CFAP20DC: variants seen among roughly 807,000 people sequenced by gnomAD.
CFAP20DC encodes CFAP20 domain containing.
Under a neutral mutation model 101.7 loss-of-function variants are expected in CFAP20DC, and 84 were observed. The observed-to-expected ratio is 0.83, with a 90% confidence interval of 0.69 to 0.99. The LOEUF is 0.99. Among genes scored for constraint, CFAP20DC ranks in the 50% least tolerant of loss-of-function variants. CFAP20DC has a pLI of 0.00. For synonymous variants in CFAP20DC, 359 were observed against 351.2 expected, an observed-to-expected ratio of 1.02 and a Z score of -0.25; for missense variants, 1,007 against 970.3, an observed-to-expected ratio of 1.04 and a Z score of -0.50.
At position 59,040,258 on chromosome 3, in the gene CFAP20DC, T is replaced by C. The variant is rs17060053; in HGVS notation, c.206-629A>G. Among the ~76,000 whole-genome samples, 487 of 152,182 alleles carry C rather than the reference T, an allele frequency of 3.2e-3. 4 individuals are homozygous for C. The highest frequency in any genetic ancestry group is 0.011 in the African/African-American group (469 of 41,578). On this transcript the variant is annotated intron_variant, in intron 3 of 16. Coordinates refer to ENST00000482387, the MANE Select transcript of CFAP20DC (RefSeq NM_001394063.1). ...ACTGATAGCTTTTATTCCCTATTACTAGCTTCATCTGGATTAAAAATATTT... is the reference window on the plus strand; with the variant it reads ...ACTGATAGCTTTTATTCCCTATTACCAGCTTCATCTGGATTAAAAATATTT...
At chr3:58,827,457 T>G (rs534242739) in intron 14 of CFAP20DC, among the ~76,000 whole-genome samples, 1 of 151,568 alleles carries the variant, frequency 6.6e-6, no homozygotes, top group Non-Finnish European at 1.5e-5. Context: ...CAAAACTCAT[T>G]TCAAGTGCTA....
chr3:58,779,626 T>G (rs1380141934), intron 15 of CFAP20DC, among the ~76,000 whole-genome samples: 1 of 151,852 alleles, frequency 6.6e-6, no homozygotes, highest in Admixed American at 6.6e-5. Flanking sequence ...ATCTCAGAAC[T>G]GAAAGGTAGC....
chr3:58,935,237 A>T (rs1212763937), intron 5 of CFAP20DC, among the ~76,000 whole-genome samples: 2 of 149,042 alleles, frequency 1.3e-5, no homozygotes, highest in African/African-American at 5.2e-5. Context: ...GACCTCTTCA[A>T]GGAGAACTAC....
chr3:58,896,214 G>T (rs2106949498), intron 6 of CFAP20DC, among the ~76,000 whole-genome samples: 1 of 152,272 alleles, frequency 6.6e-6, no homozygotes, highest in Admixed American at 6.5e-5. Flanking sequence ...ATGGTTGTTT[G>T]CAATTTTGTG....
chr3:58,908,261 C>G (rs1056958002), intron 6 of CFAP20DC, among the ~76,000 whole-genome samples: 3 of 152,058 alleles, frequency 2.0e-5, no homozygotes, highest in African/African-American at 7.2e-5. Context: ...TAGCTTTATA[C>G]TAATATTTTT....
rs74595462 is a variant in CFAP20DC, at chr3:58,917,799, A to G, written c.394-3935T>C. Among the ~76,000 whole-genome samples the G allele has an allele frequency of 5.3e-3, 807 of 152,316 alleles. 8 individuals are homozygous for G. The highest frequency in any genetic ancestry group is 9.1e-3 in the Non-Finnish European group (618 of 68,020). ...CAATTACCTATTACTAATGTATTAA[A>G]AACAATTTCCCTAGGAAAAGCAAAT... is the stretch of plus-strand genomic sequence containing the variant. On this transcript the variant is annotated intron_variant, in intron 5 of 16. Coordinates refer to ENST00000482387, the MANE Select transcript of CFAP20DC (RefSeq NM_001394063.1).
At chr3:58,719,948 T>C (rs974502829) in intron 3 of CFAP20DC, among the ~76,000 whole-genome samples, 3 of 152,246 alleles carry the variant, frequency 2.0e-5, no homozygotes, top group Non-Finnish European at 4.4e-5. Flanking sequence ...TACTGGCTGT[T>C]ATCTCTTCCT....
At chr3:58,780,627 A>C (rs1483573608) in intron 15 of CFAP20DC, among the ~76,000 whole-genome samples, 1 of 152,088 alleles carries the variant, frequency 6.6e-6, no homozygotes, top group Non-Finnish European at 1.5e-5. Context: ...AGCCAAAAGT[A>C]AGCAGGATTA....
chr3:58,806,032 G>A (rs973069232), intron 15 of CFAP20DC, among the ~76,000 whole-genome samples: 17 of 152,158 alleles, frequency 1.1e-4, no homozygotes, highest in African/African-American at 3.9e-4. Flanking sequence ...AAATAGTTAT[G>A]CAAATAAAGT....
intron 14 of CFAP20DC, among the ~76,000 whole-genome samples, chr3:58,824,772 TTTC>T (rs2075929333): frequency 6.6e-6 from 1 of 152,100 alleles, no homozygotes; most frequent in South Asian, 2.1e-4. Flanking sequence ...GCAATGAGCT[TTTC>T]TTTTCTTTTT....
At chr3:58,731,928 T>C (rs1232181027) in intron 3 of CFAP20DC, among the ~76,000 whole-genome samples, 1 of 152,224 alleles carries the variant, frequency 6.6e-6, no homozygotes, top group African/African-American at 2.4e-5. Context: ...CTAGGTCTGA[T>C]AGATTCCTGC....
chr3:58,862,432 T>C (rs1354468398), intron 12 of CFAP20DC: 1 of 985,224 alleles, frequency 1.0e-6, no homozygotes, highest in Non-Finnish European at 1.2e-6. Context: ...ATGCACTATT[T>C]ATGTATAAAA....
intron 4 of CFAP20DC, among the ~76,000 whole-genome samples, chr3:58,994,096 C>T (rs2093031519): frequency 6.6e-6 from 1 of 152,144 alleles, no homozygotes; most frequent in South Asian, 2.1e-4. Context: ...TCAACCTTTC[C>T]CTTTCTTGCC....
intron 7 of CFAP20DC, among the ~76,000 whole-genome samples, chr3:58,879,711 CTGAG>C (rs539741398): frequency 2.7e-4 from 41 of 151,980 alleles, no homozygotes; most frequent in Admixed American, 5.9e-4. Context: ...AAAGTAAAAA[CTGAG>C]TGATGTGACA....
intron 6 of CFAP20DC, among the ~76,000 whole-genome samples, chr3:58,904,488 C>T (rs2083423636): frequency 6.6e-6 from 1 of 152,024 alleles, no homozygotes; most frequent in South Asian, 2.1e-4. Flanking sequence ...GAGTTCATCT[C>T]CACTACAGGA....
intron 4 of CFAP20DC, among the ~76,000 whole-genome samples, chr3:59,020,623 T>C (rs752536170): frequency 1.7e-4 from 26 of 152,064 alleles, no homozygotes; most frequent in Non-Finnish European, 2.5e-4. Flanking sequence ...ACGTAGGAGA[T>C]TGAATACATC....
intron 4 of CFAP20DC, among the ~76,000 whole-genome samples, chr3:58,945,189 C>A (rs924280618): frequency 1.3e-5 from 2 of 152,192 alleles, no homozygotes; most frequent in African/African-American, 4.8e-5. Flanking sequence ...ACCACACATT[C>A]AGCAGAGTGC....
At chr3:58,785,861 G>T (rs1378684081) in intron 15 of CFAP20DC, among the ~76,000 whole-genome samples, 1 of 151,754 alleles carries the variant, frequency 6.6e-6, no homozygotes, top group Non-Finnish European at 1.5e-5. Context: ...TCCTTTACTG[G>T]AGACAACTCT....
At chr3:58,848,913 A>C in intron 13 of CFAP20DC, 119 bp downstream of exon 13, 1 of 1,256,442 alleles carries the variant, frequency 8.0e-7, no homozygotes, top group South Asian at 1.6e-5. Context: ...CAGGAAAGAA[A>C]ATACAACACT....
Sources: allele counts gnomAD v4.1 joint callset (sites outside exome capture counted in the v4.1 genomes callset), GRCh38; gene constraint gnomAD v4.1.1; transcripts MANE v1.5; gene names NCBI Gene and HGNC (gene_info 2026-07-23, HGNC 2026-07-21).